The following NDUFAF6 variants were observed in gnomAD, a reference collection of about 807,000 sequenced individuals.
NDUFAF6 encodes NADH:ubiquinone oxidoreductase complex assembly factor 6, also known as NADH dehydrogenase (ubiquinone) complex I, assembly factor 6.
A neutral mutation model predicts 40.8 loss-of-function variants in NDUFAF6; 45 were observed. The ratio of observed to expected loss-of-function variants is 1.10; its 90% CI spans 0.87 to 1.42. NDUFAF6 has a LOEUF of 1.42. Among genes scored for constraint, NDUFAF6 ranks in the 40% most tolerant of loss-of-function variants. The probability of loss-of-function intolerance (pLI) is 0.00; values close to 1 mark genes in which losing one functional copy is unlikely to be tolerated. For missense variants in NDUFAF6, 435 were observed against 418.5 expected, an observed-to-expected ratio of 1.04 and a Z score of -0.34; for synonymous variants, 185 against 155.9, an observed-to-expected ratio of 1.19 and a Z score of -1.39.
At chr8:95,070,574 G>T (rs1290780681) in intron 9 of NDUFAF6, among the ~76,000 whole-genome samples, 1 of 152,126 alleles carries the variant, frequency 6.6e-6, no homozygotes, top group Non-Finnish European at 1.5e-5. Context: ...CTAAAAATGA[G>T]TGTTGAGTTT....
At chr8:94,906,193 A>G (rs1229654043) in intron 1 of NDUFAF6, among the ~76,000 whole-genome samples, 1 of 152,086 alleles carries the variant, frequency 6.6e-6, no homozygotes, top group East Asian at 1.9e-4. Context: ...CAGGTATTCA[A>G]GGCCCTCCAC....
At chr8:94,979,836 T>C (rs573579610) in intron 1 of NDUFAF6, among the ~76,000 whole-genome samples, 3 of 152,352 alleles carry the variant, frequency 2.0e-5, no homozygotes, top group Admixed American at 1.3e-4. Flanking sequence ...GGCTTACGCC[T>C]GTAATCCCAG....
upstream of NDUFAF6, among the ~76,000 whole-genome samples, chr8:95,098,477 C>T (rs111551537): frequency 2.0e-5 from 3 of 152,046 alleles, no homozygotes; most frequent in Admixed American, 6.5e-5. Flanking sequence ...ACCAGCCTGA[C>T]CAACATGGTG....
Position 94,935,235 on chromosome 8 carries a change from T to C in NDUFAF6, c.-935-10248T>C, listed in dbSNP as rs78186561. On this transcript the variant is annotated intron_variant, in intron 1 of 14. Transcript: ENST00000396113. ...CATGACAACACTAACAATAGGGATA[T>C]TCTGAACTGCTCCAAGGATCCAAAT... is the stretch of plus-strand genomic sequence containing the variant. 8.9e-4 allele frequency among the ~76,000 whole-genome samples: 135 copies of C among 152,270 alleles called. 1 individual carries two copies. The East Asian group carries it at 0.024, about 28-fold the overall frequency.
chr8:94,914,022 C>A (rs1276561378), intron 1 of NDUFAF6, among the ~76,000 whole-genome samples: 1 of 151,972 alleles, frequency 6.6e-6, no homozygotes, highest in African/African-American at 2.4e-5. Flanking sequence ...GAACTCCTAA[C>A]CTCAAGCGAT....
intron 4 of NDUFAF6, among the ~76,000 whole-genome samples, chr8:95,114,644 A>G (rs929317493): frequency 6.6e-6 from 1 of 152,130 alleles, no homozygotes; most frequent in African/African-American, 2.4e-5. Context: ...TTCTGTATAT[A>G]TTTTCTACCA....
intron 3 of NDUFAF6, among the ~76,000 whole-genome samples, chr8:95,037,197 T>C (rs1293141807): frequency 6.6e-6 from 1 of 152,240 alleles, no homozygotes; most frequent in East Asian, 1.9e-4. Flanking sequence ...ACCAAGGTCT[T>C]TCTTCTATTT....
At chr8:94,936,804 C>T (rs894161466) in intron 1 of NDUFAF6, among the ~76,000 whole-genome samples, 2 of 152,134 alleles carry the variant, frequency 1.3e-5, no homozygotes, top group African/African-American at 4.8e-5. Flanking sequence ...CTGGAGGTGC[C>T]ATCCTGGGTT....
At chr8:94,961,524 C>G (rs908862880) in intron 1 of NDUFAF6, among the ~76,000 whole-genome samples, 4 of 152,200 alleles carry the variant, frequency 2.6e-5, no homozygotes, top group Admixed American at 1.3e-4. Flanking sequence ...CGGGCTCCAG[C>G]GATTTTCCTG....
At chr8:94,988,149 G>A in intron 2 of NDUFAF6, among the ~76,000 whole-genome samples, 1 of 152,188 alleles carries the variant, frequency 6.6e-6, no homozygotes, top group Admixed American at 6.5e-5. Context: ...TCCCATGTGT[G>A]TCCTTCCCTG....
At chr8:94,946,146 T>C (rs1821969171) in intron 2 of NDUFAF6, among the ~76,000 whole-genome samples, 1 of 152,036 alleles carries the variant, frequency 6.6e-6, no homozygotes, top group Admixed American at 6.6e-5. Flanking sequence ...CTTTTTATCA[T>C]AGTTATAGTC....
At chr8:94,927,912 CAAA>C (rs34997272) in intron 1 of NDUFAF6, 1 of 149,154 alleles carries the variant, frequency 6.7e-6, no homozygotes. Context: ...TTTACAATAG[CAAA>C]AAAAAAAGCT....
rs79298938 is a variant in NDUFAF6 at position 94,939,437 on chromosome 8, C to T, written c.-935-6046C>T. ...TTTGAGACAGAGTCTTGCTCTGTCA[C>T]CCAGGCTGATGTGCAGTGGCACAAT... On this transcript the variant is annotated intron_variant, in intron 1 of 14. Transcript: ENST00000396113. Among the ~76,000 whole-genome samples, 192 of 152,310 alleles carry T rather than the reference C, an allele frequency of 1.3e-3. No homozygotes were observed. In the East Asian group the frequency reaches 0.031, roughly 25 times the overall value.
chr8:94,942,504 C>T (rs1478944119), intron 1 of NDUFAF6, among the ~76,000 whole-genome samples: 2 of 152,166 alleles, frequency 1.3e-5, no homozygotes, highest in Non-Finnish European at 2.9e-5. Context: ...TAGACAGTCT[C>T]CCTGATCCTA....
At chr8:94,994,532 AG>A (rs1826333795) in intron 2 of NDUFAF6, among the ~76,000 whole-genome samples, 1 of 151,202 alleles carries the variant, frequency 6.6e-6, no homozygotes, top group Non-Finnish European at 1.5e-5. Flanking sequence ...TCCATCTCAA[AG>A]GAAAAAAAAA....
chr8:94,915,959 CCTT>C (rs1352661256), intron 1 of NDUFAF6, among the ~76,000 whole-genome samples: 2 of 152,146 alleles, frequency 1.3e-5, no homozygotes, highest in African/African-American at 4.8e-5. Flanking sequence ...TCTGTGTTCT[CCTT>C]CTTTGTTAGC....
At chr8:94,997,339 C>A (rs890390992) in intron 2 of NDUFAF6, among the ~76,000 whole-genome samples, 1 of 124,348 alleles carries the variant, frequency 8.0e-6, no homozygotes. Flanking sequence ...CACACACACA[C>A]ACACAGAGAG....
At chr8:94,982,648 A>G (rs1397864049) in intron 2 of NDUFAF6, among the ~76,000 whole-genome samples, 5 of 152,240 alleles carry the variant, frequency 3.3e-5, no homozygotes, top group African/African-American at 4.8e-5. Context: ...TGCACTGATT[A>G]TGAGGCAGGC....
chr8:95,021,932 A>G (rs771296252), upstream of NDUFAF6, among the ~76,000 whole-genome samples: 8 of 152,160 alleles, frequency 5.3e-5, no homozygotes, highest in Non-Finnish European at 1.0e-4. Context: ...TGAACTCTGA[A>G]CCTGTGGATT....
Sources: allele counts gnomAD v4.1 joint callset (sites outside exome capture counted in the v4.1 genomes callset), GRCh38; gene constraint gnomAD v4.1.1; transcripts MANE v1.5; gene names NCBI Gene and HGNC (gene_info 2026-07-23, HGNC 2026-07-21).